Variants in UNC5D observed in about 807,000 individuals in gnomAD.
UNC5D encodes the protein netrin receptor UNC5D.
In UNC5D, 39 loss-of-function variants were observed where a neutral mutation model predicts 105.4. The observed-to-expected ratio is 0.37, with a 90% CI of 0.29 to 0.48. UNC5D has a LOEUF of 0.48. UNC5D is among the 20% of genes least tolerant of loss of function. UNC5D has a pLI of 0.98. For synonymous variants in UNC5D, 452 were observed against 450.4 expected (o/e 1.00, Z -0.04); for missense variants, 991 against 1,202.4 (o/e 0.82, Z 2.60).
At chr8:35,719,985 G>C (rs190805713) in intron 8 of UNC5D, among the ~76,000 whole-genome samples, 8 of 152,258 alleles carry the variant, frequency 5.3e-5, no homozygotes, top group Non-Finnish European at 1.2e-4. Flanking sequence ...AAAACACACT[G>C]AGCCATATCA....
intron 3 of UNC5D, among the ~76,000 whole-genome samples, chr8:35,571,566 G>A (rs1221286193): frequency 3.3e-5 from 5 of 152,052 alleles, no homozygotes; most frequent in African/African-American, 1.2e-4. Context: ...TTGCCTTTAG[G>A]ACCTTGCCTA....
chr8:35,525,735 C>T (rs1813826959), intron 1 of UNC5D: 1 of 1,577,588 alleles, frequency 6.3e-7, no homozygotes, highest in African/African-American at 1.4e-5. Context: ...GCTCCCAACG[C>T]TGAAGTACTC....
chr8:35,538,045 A>T (rs1301143502), intron 1 of UNC5D, among the ~76,000 whole-genome samples: 1 of 152,104 alleles, frequency 6.6e-6, no homozygotes, highest in African/African-American at 2.4e-5. Flanking sequence ...GGGCATTGGT[A>T]TACATGAATG....
At chr8:35,757,969 C>G (rs1830588639) in intron 13 of UNC5D, among the ~76,000 whole-genome samples, 1 of 152,198 alleles carries the variant, frequency 6.6e-6, no homozygotes, top group African/African-American at 2.4e-5. Context: ...CTTCATCACT[C>G]TAGCCACATT....
chr8:35,664,024 G>C (rs552001009), intron 4 of UNC5D, among the ~76,000 whole-genome samples: 15 of 152,184 alleles, frequency 9.9e-5, no homozygotes, highest in Non-Finnish European at 2.2e-4. Context: ...CTTGCATCCA[G>C]AAAATCATTG....
intron 1 of UNC5D, among the ~76,000 whole-genome samples, chr8:35,455,077 T>G (rs762077671): frequency 1.3e-5 from 2 of 152,146 alleles, no homozygotes; most frequent in African/African-American, 4.8e-5. Flanking sequence ...TAGAGACTTA[T>G]AGGTTTACTC....
chr8:35,249,606 T>G (rs1803556429), intron 1 of UNC5D, among the ~76,000 whole-genome samples: 1 of 142,380 alleles, frequency 7.0e-6, no homozygotes, highest in Non-Finnish European at 1.5e-5. Flanking sequence ...AATAATAAAA[T>G]AAATAAATAA....
At chr8:35,680,950 C>T (rs1441753265) in intron 4 of UNC5D, among the ~76,000 whole-genome samples, 2 of 152,112 alleles carry the variant, frequency 1.3e-5, no homozygotes, top group African/African-American at 4.8e-5. Flanking sequence ...GGCAATTTAC[C>T]CCTGAATTTC....
chr8:35,324,843 T>G (rs1304903123), intron 1 of UNC5D, among the ~76,000 whole-genome samples: 1 of 152,194 alleles, frequency 6.6e-6, no homozygotes, highest in Non-Finnish European at 1.5e-5. Flanking sequence ...TAGGACAGGA[T>G]TTTGTGAGGC....
At chr8:35,490,104 T>A (rs1811106099) in intron 1 of UNC5D, among the ~76,000 whole-genome samples, 2 of 152,354 alleles carry the variant, frequency 1.3e-5, no homozygotes, top group South Asian at 4.1e-4. Context: ...AATAAAATTG[T>A]TGGTTGTTTT....
intron 1 of UNC5D, among the ~76,000 whole-genome samples, chr8:35,307,102 T>C (rs1280062572): frequency 6.9e-6 from 1 of 143,956 alleles, no homozygotes; most frequent in Non-Finnish European, 1.5e-5. Context: ...ACACTACTGA[T>C]AGCTGATGAG....
At chr8:35,290,086 G>T (rs376126334) in intron 1 of UNC5D, among the ~76,000 whole-genome samples, 4 of 152,100 alleles carry the variant, frequency 2.6e-5, no homozygotes, top group African/African-American at 7.2e-5. Context: ...TTATTGGCGG[G>T]AATGTATATA....
intron 1 of UNC5D, among the ~76,000 whole-genome samples, chr8:35,327,778 C>T (rs2950919): frequency 0.82 from 124,429 of 151,778 alleles, 51,435 homozygotes; most frequent in East Asian, 1. Flanking sequence ...GTTAAAGTTC[C>T]AAGCTCCCAG....
chr8:35,525,668 A>C, intron 1 of UNC5D: 2 of 1,611,630 alleles, frequency 1.2e-6, no homozygotes, highest in Non-Finnish European at 1.7e-6. Flanking sequence ...ATTGGTAGTC[A>C]AAGGCTACCA....
At chr8:35,683,797 A>G in intron 5 of UNC5D, 70 bp downstream of exon 5, 2 of 1,369,620 alleles carry the variant, frequency 1.5e-6, no homozygotes, top group Non-Finnish European at 1.9e-6. Flanking sequence ...GTGTTTTATT[A>G]AAACTTTCAA....
chr8:35,535,416 TTTG>T (rs906773476), intron 1 of UNC5D, among the ~76,000 whole-genome samples: 10 of 151,792 alleles, frequency 6.6e-5, no homozygotes, highest in East Asian at 1.9e-4. Flanking sequence ...TAATAGGCTT[TTTG>T]TTGTTGTTGT....
At chr8:35,728,994 TG>T (rs902813373) in intron 10 of UNC5D, among the ~76,000 whole-genome samples, 42 of 152,250 alleles carry the variant, frequency 2.8e-4, no homozygotes, top group African/African-American at 1.0e-3. Flanking sequence ...ACTCCCCATG[TG>T]CCTTTGTGTA....
intron 1 of UNC5D, among the ~76,000 whole-genome samples, chr8:35,530,762 G>T (rs1309497241): frequency 7.3e-6 from 1 of 137,914 alleles, no homozygotes; most frequent in South Asian, 2.5e-4. Flanking sequence ...ACTTCTTCCT[G>T]GTTTAGTCTT....
intron 1 of UNC5D, among the ~76,000 whole-genome samples, chr8:35,394,535 A>T (rs1803982735): frequency 6.6e-6 from 1 of 151,922 alleles, no homozygotes. Flanking sequence ...TTTGCTTCCT[A>T]CTTTACCTGC....
Sources: allele counts gnomAD v4.1 joint callset (sites outside exome capture counted in the v4.1 genomes callset), GRCh38; gene constraint gnomAD v4.1.1; transcripts MANE v1.5; gene names NCBI Gene and HGNC (gene_info 2026-07-23, HGNC 2026-07-21).